The following DDX25 variants were observed in gnomAD, a reference collection of about 807,000 sequenced individuals.
DDX25 encodes the protein ATP-dependent RNA helicase DDX25.
Under a neutral mutation model 64.6 loss-of-function variants are expected in DDX25, and 70 were observed. The observed-to-expected ratio is 1.08, with a 90% CI of 0.89 to 1.32. The LOEUF is 1.32. Among genes scored for constraint, DDX25 ranks in the 40% most tolerant of loss-of-function variants. DDX25 has a pLI of 0.00. For missense variants in DDX25, 587 were observed against 604.4 expected, an observed-to-expected ratio of 0.97 and a Z score of 0.30; for synonymous variants, 211 against 213.3, an observed-to-expected ratio of 0.99 and a Z score of 0.09.
intron 8 of DDX25, among the ~76,000 whole-genome samples, chr11:125,913,813 G>T (rs374437429): frequency 6.6e-6 from 1 of 151,642 alleles, no homozygotes; most frequent in South Asian, 2.1e-4. Flanking sequence ...TTTCCCCAAA[G>T]TGACCAACTT....
In DDX25 at chr11:125,906,328, T is replaced by TTG. The variant is rs1314265679; in HGVS notation, c.311+120_311+121insGT. 3.7e-6 allele frequency: 5 copies of TTG among 1,333,718 alleles called. No homozygotes were observed. The African/African-American group carries it at 4.5e-5, about 12-fold the overall frequency. The allele number at this position is 1,333,718 out of a possible 1,614,324, so 82.6% of individuals were successfully genotyped here. On this transcript the variant is annotated intron_variant, in intron 4 of 11. Coordinates refer to ENST00000263576, the MANE Select transcript of DDX25 (RefSeq NM_013264.5). ...TGTTTTCTGATATTCAATATTTTTT[T>TTG]TTGTTATTTGAGACAGAGTCTCACT...
At chr11:125,916,987 G>T in intron 8 of DDX25, 27 bp from the exon 9 acceptor site, 1 of 1,560,050 alleles carries the variant, frequency 6.4e-7, no homozygotes, top group Non-Finnish European at 8.7e-7. Context: ...TGGCAGCTTG[G>T]TGACAGCCTT....
chr11:125,916,669 C>G (rs898628341), intron 8 of DDX25, among the ~76,000 whole-genome samples: 1 of 152,136 alleles, frequency 6.6e-6, no homozygotes, highest in Non-Finnish European at 1.5e-5. Context: ...CTCCATTTAC[C>G]TTTGTGTGAG....
Position 125,911,497 on chromosome 11 carries a change from CAG to C in DDX25, c.800+12_800+13del, listed in dbSNP as rs777780879. The C allele has an allele frequency of 4.3e-6, 7 of 1,612,062 alleles. No homozygotes were observed. The highest frequency in any genetic ancestry group is 3.3e-5 in the South Asian group (3 of 90,572). On this transcript the variant is annotated intron_variant, in intron 8 of 11. Transcript: ENST00000263576. The stretch of plus-strand genomic sequence containing the variant: ...AGTATTCGTATTCAAAGGTAATCTT[CAG>C]AGTCTTCCTCTCTTCCTCAGCCTTC...
Position 125,917,384 on chromosome 11 carries a change from A to T in DDX25, c.1038+133A>T, listed in dbSNP as rs375442824. 5.1e-6 allele frequency: 4 copies of T among 784,236 alleles called. No individual in the cohort carries two copies. The African/African-American group carries it at 5.2e-5, about 10-fold the overall frequency. The allele number at this position is 784,236 out of a possible 1,614,324, so 48.6% of individuals were successfully genotyped here. On this transcript the variant is annotated intron_variant, in intron 9 of 11. Transcript: ENST00000263576. ...GTGTCTCCAGTTTAATCTTCAGAACAGCTCTAAACAGAAATTACCTGTATT... is the reference window on the plus strand; with the variant it reads ...GTGTCTCCAGTTTAATCTTCAGAACTGCTCTAAACAGAAATTACCTGTATT...
In DDX25 at chr11:125,924,134, A is replaced by AG. The variant is rs1945147245; in HGVS notation, c.*1253_*1254insG. 1 of 152,070 alleles carries AG rather than the reference A, an allele frequency of 6.6e-6. No homozygotes were observed. Among genetic ancestry groups the AG allele is most frequent in the African/African-American group, 2.4e-5 (1 of 41,380 alleles). 9.4% of individuals were successfully genotyped at this position (152,070 alleles called of 1,614,324 possible). A position where few individuals can be genotyped will look rare whatever the true frequency, so the allele number is the denominator to read the frequency against. ...ATAAAAATTAGCTGGGCGTGGTGGT[A>AG]CGCGTGCCTGTAATCCCAGCTACTC... On this transcript the variant is annotated 3_prime_UTR_variant, in exon 12 of 12. Coordinates refer to ENST00000263576, the MANE Select transcript of DDX25 (RefSeq NM_013264.5).
intron 4 of DDX25, 82 bp downstream of exon 4, chr11:125,906,291 G>T: frequency 2.1e-6 from 3 of 1,412,396 alleles, no homozygotes; most frequent in Non-Finnish European, 2.8e-6. Flanking sequence ...AAAACCATCA[G>T]GATCTCCTCT....
Position 125,914,095 on chromosome 11 carries a change from A to C in DDX25, c.800+2607A>C, listed in dbSNP as rs142429047. ...AGAACATTAATTCTAGTATTTAAAA[A>C]TTTTTTCTGTTTTAACATTGTGAAT... On this transcript the variant is annotated intron_variant, in intron 8 of 11. Transcript: ENST00000263576. Among the ~76,000 whole-genome samples the C allele has an allele frequency of 7.2e-5, 11 of 152,020 alleles. No homozygotes were observed. In the East Asian group the frequency reaches 2.1e-3, roughly 29 times the overall value.
At chr11:125,906,931 C>T (rs1565462578) in intron 4 of DDX25, among the ~76,000 whole-genome samples, 1 of 151,984 alleles carries the variant, frequency 6.6e-6, no homozygotes, top group Non-Finnish European at 1.5e-5. Context: ...CTGCAGTGCT[C>T]AGGGGGATAG....
At position 125,923,012 on chromosome 11, in the gene DDX25, G is replaced by T; in HGVS notation, c.*131G>T. On this transcript the variant is annotated 3_prime_UTR_variant, in exon 12 of 12. Coordinates refer to ENST00000263576, the MANE Select transcript of DDX25 (RefSeq NM_013264.5). ...CACAGATGGCAAAATAAATGTCACG[G>T]TACTTAGTTTTAAGACATGAGGTCT... 1 of 761,630 alleles carries T rather than the reference G, an allele frequency of 1.3e-6. No individual in the cohort carries two copies. Among genetic ancestry groups the T allele is most frequent in the Non-Finnish European group, 2.1e-6 (1 of 484,444 alleles). The allele number at this position is 761,630 out of a possible 1,614,324, so 47.2% of individuals were successfully genotyped here. A position where few individuals can be genotyped will look rare whatever the true frequency, so the allele number is the denominator to read the frequency against.
Position 125,908,448 on chromosome 11 carries a change from C to A in DDX25, c.452C>A (p.Ala151Glu), listed in dbSNP as rs762895726. 6.2e-7 allele frequency: 1 copy of A among 1,613,918 alleles called. No individual in the cohort carries two copies. The highest frequency in any genetic ancestry group is 1.3e-5 in the African/African-American group (1 of 75,002). ...AGCCAGTCTGGAACAGGAAAGACAG[C>A]GGCATTTGTGTTGGCAATGTTAAGC... is the stretch of plus-strand genomic sequence containing the variant. ...AQSQSGTGKTAAFVLAMLSRV... is the reference protein window; with the variant it reads ...AQSQSGTGKTEAFVLAMLSRV... Residue 151 changes from alanine (A) to glutamate (E), a missense_variant, in exon 6 of 12, where the codon GCG becomes GAG. Coordinates refer to ENST00000263576, the MANE Select transcript of DDX25 (RefSeq NM_013264.5).
intron 8 of DDX25, among the ~76,000 whole-genome samples, chr11:125,912,462 G>A (rs971636684): frequency 5.9e-5 from 9 of 152,176 alleles, no homozygotes; most frequent in East Asian, 1.9e-4. Context: ...CCCCTTGCAC[G>A]TGCCAAAATC....
chr11:125,910,344 C>T lies in DDX25; in HGVS notation c.508-20C>T. 6.2e-7 allele frequency: 1 copy of T among 1,607,668 alleles called. No individual in the cohort carries two copies. The highest frequency in any genetic ancestry group is 8.5e-7 in the Non-Finnish European group (1 of 1,174,448). On this transcript the variant is annotated intron_variant, in intron 6 of 11. Coordinates refer to ENST00000263576, the MANE Select transcript of DDX25 (RefSeq NM_013264.5). ...CCTGTAAGAACCTTTCTCCTCCCCT[C>T]TTCTCTCTCTATCCCACAGTGCCTC...
In DDX25 at chr11:125,911,337, C is replaced by G. The variant is rs1944965538; in HGVS notation, c.649C>G (p.Gln217Glu). The G allele has an allele frequency of 1.9e-6, 3 of 1,613,240 alleles. No individual in the cohort carries two copies. The highest frequency in any genetic ancestry group is 2.5e-6 in the Non-Finnish European group (3 of 1,179,580). Reference sequence around the variant, plus strand: ...TCCCAGAGGCACCGACATCACTAAACAGATTATAATTGGCACTCCTGGGAC... The same window carrying G: ...TCCCAGAGGCACCGACATCACTAAAGAGATTATAATTGGCACTCCTGGGAC... ...RIPRGTDITKQIIIGTPGTVL... is the reference protein window; with the variant it reads ...RIPRGTDITKEIIIGTPGTVL... The change falls in exon 8 of 12, where the codon CAG becomes GAG. Residue 217 changes from glutamine to glutamate, a missense_variant. Transcript: ENST00000263576.
rs980829614 is a variant in DDX25, at chr11:125,921,174, T to C, written c.1202-17T>C. On this transcript the variant is annotated splice_polypyrimidine_tract_variant and intron_variant, in intron 10 of 11. Coordinates refer to ENST00000263576, the MANE Select transcript of DDX25 (RefSeq NM_013264.5). The surrounding 1 kb of genome is among the most constrained non-coding windows in gnomAD (Gnocchi z 4.1). Reference sequence around the variant, plus strand: ...AGGAAAGCATTGCAGGACCCTACAGTGTTTTTCCTCTTCTAGGGATTGATG... The same window carrying C: ...AGGAAAGCATTGCAGGACCCTACAGCGTTTTTCCTCTTCTAGGGATTGATG... 1 of 1,603,098 alleles carries C rather than the reference T, an allele frequency of 6.2e-7. No individual in the cohort carries two copies. Among genetic ancestry groups the C allele is most frequent in the African/African-American group, 1.3e-5 (1 of 74,896 alleles).
chr11:125,906,286 C>T, intron 4 of DDX25, 77 bp downstream of exon 4: 1 of 1,426,616 alleles, frequency 7.0e-7, no homozygotes, highest in Non-Finnish European at 9.2e-7. Flanking sequence ...TAGTAAAAAC[C>T]ATCAGGATCT....
intron 10 of DDX25, 89 bp downstream of exon 10, chr11:125,918,879 A>ACATGCAAT (rs1945076281): frequency 1.4e-6 from 2 of 1,382,368 alleles, no homozygotes; most frequent in East Asian, 5.2e-5. Flanking sequence ...GTTTCGACAA[A>ACATGCAAT]CATGCAATCA....
In DDX25 at chr11:125,928,679, A is replaced by G. The variant is rs1328555614; in HGVS notation, c.*5798A>G. 6.6e-6 allele frequency: 1 copy of G among 152,208 alleles called. No individual in the cohort carries two copies. The highest frequency in any genetic ancestry group is 2.4e-5 in the African/African-American group (1 of 41,454). The allele number at this position is 152,208 out of a possible 1,614,324, so 9.4% of individuals were successfully genotyped here. A position where few individuals can be genotyped will look rare whatever the true frequency, so the allele number is the denominator to read the frequency against. ...TTATGTTTCTCTTAGTACAAGCAAG[A>G]TTATATTTTTTAAAGTGGTTCATCA... On this transcript the variant is annotated 3_prime_UTR_variant, in exon 12 of 12. Transcript: ENST00000263576.
chr11:125,920,403 C>T (rs1945094949), intron 10 of DDX25, among the ~76,000 whole-genome samples: 1 of 151,312 alleles, frequency 6.6e-6, no homozygotes. Flanking sequence ...TGCCACTGCA[C>T]TCCAACCTGG....
Sources: gnomAD v4.1 joint callset for allele counts (sites outside exome capture counted in the v4.1 genomes callset) on GRCh38, gnomAD v4.1.1 for gene constraint, Gnocchi (gnomAD v3.1) non-coding constraint, MANE v1.5 for transcripts, NCBI Gene and HGNC (gene_info 2026-07-23, HGNC 2026-07-21) for gene names.